Variants in PBX1 observed in about 807,000 individuals in gnomAD.
PBX1 encodes pre-B-cell leukemia transcription factor 1.
PBX1 carries 6 observed loss-of-function variants against 53.4 expected under a neutral mutation model. The ratio of observed to expected loss-of-function variants is 0.11; its 90% CI spans 0.06 to 0.22. PBX1 has a LOEUF of 0.22. Ranked by LOEUF, PBX1 falls within the 10% of genes least tolerant of loss-of-function variation. The pLI, the probability that PBX1 is intolerant of heterozygous loss-of-function variation, is 1.00. For missense variants in PBX1, 251 were observed against 551.4 expected (o/e 0.46, Z 5.46); for synonymous variants, 204 against 212.3 (o/e 0.96, Z 0.34).
At chr1:164,825,455 G>A (rs576312189) in intron 8 of PBX1, among the ~76,000 whole-genome samples, 6 of 152,228 alleles carry the variant, frequency 3.9e-5, no homozygotes, top group African/African-American at 1.4e-4. Context: ...ATCAGGGAGG[G>A]GAAGAAAAGA....
In PBX1 at chr1:164,721,597, G is replaced by A. The variant is rs758816982; in HGVS notation, c.266-70897G>A. On this transcript the variant is annotated intron_variant, in intron 2 of 8. Coordinates refer to ENST00000420696, the MANE Select transcript of PBX1 (RefSeq NM_002585.4). ...TAATGCTTTCAAAAACATTTATCTA[G>A]CTTCTCTCACTTTCTCATTTGCTGT... is the stretch of plus-strand genomic sequence containing the variant. Among the ~76,000 whole-genome samples the A allele has an allele frequency of 2.6e-5, 4 of 152,124 alleles. No homozygotes were observed. In the South Asian group the frequency reaches 8.3e-4, roughly 32 times the overall value.
chr1:164,863,055 T>C (rs1427627702), intron 2 of PBX1, among the ~76,000 whole-genome samples: 1 of 152,152 alleles, frequency 6.6e-6, no homozygotes, highest in Non-Finnish European at 1.5e-5. Context: ...TGACATTTGT[T>C]ATTGGTACAA....
chr1:164,749,124 G>A (rs1666055788), intron 2 of PBX1, among the ~76,000 whole-genome samples: 1 of 152,008 alleles, frequency 6.6e-6, no homozygotes, highest in African/African-American at 2.4e-5. Context: ...AGAAAGTCTG[G>A]AAAACAAAGG....
intron 2 of PBX1, among the ~76,000 whole-genome samples, chr1:164,618,980 C>T (rs1361517796): frequency 4.6e-5 from 7 of 152,144 alleles, no homozygotes; most frequent in African/African-American, 1.7e-4. Flanking sequence ...TTGTTTTTAG[C>T]GCTTATGTAC....
At chr1:164,624,406 G>A (rs191076253) in intron 2 of PBX1, among the ~76,000 whole-genome samples, 195 of 152,330 alleles carry the variant, frequency 1.3e-3, no homozygotes, top group African/African-American at 4.0e-3. Flanking sequence ...AGTGGTATGT[G>A]TAAAATCATT....
intron 2 of PBX1, among the ~76,000 whole-genome samples, chr1:164,718,237 T>C (rs1424291025): frequency 6.6e-6 from 1 of 152,216 alleles, no homozygotes; most frequent in Non-Finnish European, 1.5e-5. Flanking sequence ...AAAACTTGCA[T>C]TGTTGGCATT....
rs1224719160 is a variant in PBX1, at chr1:164,821,593, A to G, written c.1167A>G (p.Ala389=). Residue 389 remains alanine (A), a synonymous_variant, in exon 8 of 9, where the codon GCA becomes GCG. Transcript: ENST00000420696. ...SQTGGYSDGL[A]ASQMYSPQGI... ...CAGGAGGATACAGTGATGGACTCGC[A>G]GCCAGTCAGATGTACAGTCCGCAGG... 1 of 1,614,076 alleles carries G rather than the reference A, an allele frequency of 6.2e-7. No homozygotes were observed.
At chr1:164,715,748 A>G (rs557364270) in intron 2 of PBX1, among the ~76,000 whole-genome samples, 1 of 152,202 alleles carries the variant, frequency 6.6e-6, no homozygotes, top group Non-Finnish European at 1.5e-5. Context: ...TTTGTGAATT[A>G]TTTGAGTCTA....
intron 2 of PBX1, chr1:164,700,852 C>T (rs1663079428): frequency 4.9e-6 from 2 of 404,828 alleles, no homozygotes; most frequent in African/African-American, 4.3e-5. Context: ...CTGATATGGA[C>T]TCCCATCTGC....
chr1:164,725,046 G>A (rs1251173090), intron 2 of PBX1, among the ~76,000 whole-genome samples: 1 of 152,112 alleles, frequency 6.6e-6, no homozygotes, highest in African/African-American at 2.4e-5. Flanking sequence ...CTCTGGGTTA[G>A]CTTTTCATTA....
In PBX1 at chr1:164,559,834, G is replaced by A; in HGVS notation, c.12G>A (p.Gln4=). 1 of 1,548,814 alleles carries A rather than the reference G, an allele frequency of 6.5e-7. No individual in the cohort carries two copies. Among genetic ancestry groups the A allele is most frequent in the Non-Finnish European group, 8.7e-7 (1 of 1,146,322 alleles). MDE[Q]PRLMHSHAGV... ...CGTAGCCTTTGGAGATGGACGAGCA[G>A]CCCAGGCTGATGCATTCCCATGCTG... Residue 4 remains glutamine, a synonymous_variant, in exon 1 of 9, where the codon CAG becomes CAA. Transcript: ENST00000420696.
At chr1:164,758,592 C>T (rs993764405) in intron 2 of PBX1, among the ~76,000 whole-genome samples, 18 of 152,154 alleles carry the variant, frequency 1.2e-4, no homozygotes, top group Non-Finnish European at 2.4e-4. Flanking sequence ...ACCCTGTCTC[C>T]GTCACAACCT....
intron 8 of PBX1, among the ~76,000 whole-genome samples, chr1:164,833,254 AT>A (rs537638019): frequency 9.7e-4 from 148 of 152,302 alleles, no homozygotes; most frequent in African/African-American, 3.5e-3. Context: ...ATCTGCAGAT[AT>A]CAATTTTCAT....
At position 164,847,061 on chromosome 1, in the gene PBX1, T is replaced by C. The variant is rs1331456791; in HGVS notation, c.*385T>C. 9.0e-7 allele frequency: 1 copy of C among 1,108,058 alleles called. No homozygotes were observed. The highest frequency in any genetic ancestry group is 1.6e-5 in the African/African-American group (1 of 63,624). The allele number at this position is 1,108,058 out of a possible 1,614,324, so 68.6% of individuals were successfully genotyped here. On this transcript the variant is annotated 3_prime_UTR_variant, in exon 9 of 9. Coordinates refer to ENST00000420696, the MANE Select transcript of PBX1 (RefSeq NM_002585.4). The stretch of plus-strand genomic sequence containing the variant: ...ATTACAAAGAAAATAATAAAAGTGT[T>C]TGTACGTTTTCATGCTGGTGGTTTG...
chr1:164,874,846 C>A (rs1011637108), intron 2 of PBX1, among the ~76,000 whole-genome samples: 1 of 152,112 alleles, frequency 6.6e-6, no homozygotes, highest in Non-Finnish European at 1.5e-5. Flanking sequence ...CTTACTATTG[C>A]ATGTTTTAAC....
chr1:164,597,729 C>T (rs1390099093), intron 2 of PBX1, among the ~76,000 whole-genome samples: 1 of 152,046 alleles, frequency 6.6e-6, no homozygotes, highest in Non-Finnish European at 1.5e-5. Context: ...TGGGGTCTCG[C>T]AGCCATGTTG....
At chr1:164,764,505 T>A (rs1323953138) in intron 2 of PBX1, among the ~76,000 whole-genome samples, 1 of 152,228 alleles carries the variant, frequency 6.6e-6, no homozygotes, top group East Asian at 1.9e-4. Flanking sequence ...ACATTACTCA[T>A]AAGTGAGCTC....
At chr1:164,690,277 A>AGAC (rs1305930034) in intron 2 of PBX1, among the ~76,000 whole-genome samples, 21 of 152,112 alleles carry the variant, frequency 1.4e-4, no homozygotes, top group Admixed American at 1.3e-3. Context: ...CGGATCAGAC[A>AGAC]GACAGACTGC....
chr1:164,879,764 A>T (rs576208596), intron 2 of PBX1, among the ~76,000 whole-genome samples: 5 of 152,200 alleles, frequency 3.3e-5, no homozygotes, highest in Admixed American at 3.3e-4. Flanking sequence ...GATCTTTCCT[A>T]TTCCAAACTT....
Sources: gnomAD v4.1 joint callset for allele counts (sites outside exome capture counted in the v4.1 genomes callset) on GRCh38, gnomAD v4.1.1 for gene constraint, MANE v1.5 for transcripts, NCBI Gene and HGNC (gene_info 2026-07-23, HGNC 2026-07-21) for gene names.